PCDHGB3: variants seen among roughly 807,000 people sequenced by gnomAD.
PCDHGB3 encodes protocadherin gamma-B3.
PCDHGB3 carries 40 observed loss-of-function variants against 59.2 expected under a neutral mutation model. The ratio of observed to expected loss-of-function variants is 0.68; its 90% CI spans 0.52 to 0.88. The LOEUF (loss-of-function observed/expected upper bound fraction) is 0.88, where lower values mean the gene tolerates loss of function less well. PCDHGB3 is among the 40% of genes least tolerant of loss of function. The pLI is 0.00. For synonymous variants in PCDHGB3, 581 were observed against 503.6 expected (o/e 1.15, Z -2.06); for missense variants, 1,309 against 1,187.9 (o/e 1.10, Z -1.50).
chr5:141,449,154 A>G (rs2098630387), intron 1 of PCDHGB3, among the ~76,000 whole-genome samples: 1 of 152,180 alleles, frequency 6.6e-6, no homozygotes, highest in African/African-American at 2.4e-5. Flanking sequence ...TGGGTCAAAG[A>G]GGAAATAGGT....
intron 2 of PCDHGB3, among the ~76,000 whole-genome samples, chr5:141,500,292 T>A (rs1001226545): frequency 2.0e-5 from 3 of 151,954 alleles, no homozygotes; most frequent in Non-Finnish European, 4.4e-5. Context: ...CACTGCAAGC[T>A]CCGCCTCCCA....
In PCDHGB3 at chr5:141,485,099, G is replaced by T; in HGVS notation, c.2416-9708G>T. The T allele has an allele frequency of 8.7e-7, 1 of 1,145,218 alleles. No individual in the cohort carries two copies. Among genetic ancestry groups the T allele is most frequent in the Non-Finnish European group, 1.3e-6 (1 of 775,682 alleles). 70.9% of individuals were successfully genotyped at this position (1,145,218 alleles called of 1,614,324 possible). A position where few individuals can be genotyped will look rare whatever the true frequency, so the allele number is the denominator to read the frequency against. ...GGGGAAAGGGAGATAGGTGTCTCCA[G>T]CTGCTGTGGCTGTTTGGGGCGGGTC... On this transcript the variant is annotated intron_variant, in intron 1 of 3. Transcript: ENST00000576222. The surrounding 1 kb of genome is among the most constrained non-coding windows in gnomAD (Gnocchi z 5.7).
chr5:141,395,518 C>T (rs1046650715), intron 1 of PCDHGB3: 2 of 412,004 alleles, frequency 4.9e-6, no homozygotes, highest in Admixed American at 4.2e-5. Context: ...AGCTACCCGT[C>T]CATACTGGTA....
intron 1 of PCDHGB3, among the ~76,000 whole-genome samples, chr5:141,473,380 G>A (rs1363453338): frequency 6.6e-6 from 1 of 152,204 alleles, no homozygotes; most frequent in African/African-American, 2.4e-5. Context: ...CATGGTCCCT[G>A]CCCTCCTGGA....
Position 141,509,375 on chromosome 5 carries a change from T to C in PCDHGB3, c.2564-1572T>C, listed in dbSNP as rs1450730489. Among the ~76,000 whole-genome samples, 6 of 152,168 alleles carry C rather than the reference T, an allele frequency of 3.9e-5. No homozygotes were observed. In the East Asian group the frequency reaches 1.2e-3, roughly 29 times the overall value. On this transcript the variant is annotated intron_variant, in intron 3 of 3. Coordinates refer to ENST00000576222, the MANE Select transcript of PCDHGB3 (RefSeq NM_018924.5). ...GGGCATCCCTGAGGTTTTAACTGTC[T>C]CCTAACCACAGAGGATCTCAGGGCC...
At chr5:141,447,313 T>C (rs2098534296) in intron 1 of PCDHGB3, among the ~76,000 whole-genome samples, 1 of 152,146 alleles carries the variant, frequency 6.6e-6, no homozygotes, top group African/African-American at 2.4e-5. Context: ...CTAATTTTTG[T>C]ATTTTTAGTA....
At position 141,423,431 on chromosome 5, in the gene PCDHGB3, G is replaced by A. The variant is rs1220133197; in HGVS notation, c.2415+50622G>A. On this transcript the variant is annotated intron_variant, in intron 1 of 3. Coordinates refer to ENST00000576222, the MANE Select transcript of PCDHGB3 (RefSeq NM_018924.5). ...CAGGCTTCTGAAGGCGGGTTGGCAGGTATGCCCACGTCACATTTTGTAGGC... is the reference window on the plus strand; with the variant it reads ...CAGGCTTCTGAAGGCGGGTTGGCAGATATGCCCACGTCACATTTTGTAGGC... 3 of 1,613,892 alleles carry A rather than the reference G, an allele frequency of 1.9e-6. No homozygotes were observed. Among genetic ancestry groups the A allele is most frequent in the Admixed American group, 3.3e-5 (2 of 60,012 alleles).
In PCDHGB3 at chr5:141,432,115, C is replaced by G. The variant is rs753088299; in HGVS notation, c.2415+59306C>G. On this transcript the variant is annotated intron_variant, in intron 1 of 3. Transcript: ENST00000576222. This position sits in a 1 kb window ranked among gnomAD's most constrained non-coding sequence, Gnocchi z 6.0. ...ACACCAACGACAACCCGCCGGTCTT[C>G]CCTCAGGCCTCCTATTCCGCTTATA... The G allele has an allele frequency of 1.2e-5, 20 of 1,614,178 alleles. No individual in the cohort carries two copies. Among genetic ancestry groups the G allele is most frequent in the Non-Finnish European group, 1.6e-5 (19 of 1,180,050 alleles).
chr5:141,498,971 G>GGGAAGGAAGGAAGGAAGGAAGGAA (rs201769957), intron 2 of PCDHGB3, among the ~76,000 whole-genome samples: 2 of 110,972 alleles, frequency 1.8e-5, no homozygotes, highest in African/African-American at 3.6e-5. Context: ...GAGGGAGGGA[G>GGGAAGGAAGGAAGGAAGGAAGGAA]GGAAGGAAGG....
chr5:141,386,098 G>A (rs1384243905), intron 1 of PCDHGB3: 3 of 152,228 alleles, frequency 2.0e-5, no homozygotes, highest in Non-Finnish European at 4.4e-5. Flanking sequence ...GATGAAGTGT[G>A]TCTGTGGGCT....
chr5:141,409,441 G>A (rs1432743588), intron 1 of PCDHGB3: 1 of 1,613,884 alleles, frequency 6.2e-7, no homozygotes, highest in Admixed American at 1.7e-5. Context: ...TGGACCGAGA[G>A]CAGACACCAG....
intron 2 of PCDHGB3, among the ~76,000 whole-genome samples, chr5:141,502,170 G>A (rs1165631931): frequency 6.6e-6 from 1 of 152,128 alleles, no homozygotes; most frequent in Admixed American, 6.5e-5. Context: ...TTCAGTTGAG[G>A]AATTTAACAT....
At chr5:141,419,762 A>G in intron 1 of PCDHGB3, 1 of 1,614,008 alleles carries the variant, frequency 6.2e-7, no homozygotes, top group Non-Finnish European at 8.5e-7. Context: ...TTTGGGTGAC[A>G]AGGACTCGGT....
intron 1 of PCDHGB3, among the ~76,000 whole-genome samples, chr5:141,471,737 A>G (rs2099263581): frequency 6.6e-6 from 1 of 152,232 alleles, no homozygotes; most frequent in Non-Finnish European, 1.5e-5. Context: ...AAGGTTGGAG[A>G]CATAACATAT....
intron 1 of PCDHGB3, chr5:141,384,675 G>A: frequency 6.2e-7 from 1 of 1,614,216 alleles, no homozygotes; most frequent in Non-Finnish European, 8.5e-7. Flanking sequence ...CCAAGGTGGT[G>A]GCGGTGGACA....
rs532907359 is a variant in PCDHGB3, at chr5:141,500,353, C to T, written c.2475-5040C>T. 1.9e-4 allele frequency among the ~76,000 whole-genome samples: 29 copies of T among 152,052 alleles called. No homozygotes were observed. The East Asian group carries it at 5.2e-3, about 27-fold the overall frequency. The stretch of plus-strand genomic sequence containing the variant: ...CCTCCAGAATAGCTGGGACTACAGG[C>T]GCCCACTACCACGCCCGGCTAATTA... On this transcript the variant is annotated intron_variant, in intron 2 of 3. Transcript: ENST00000576222.
At chr5:141,392,649 C>T in intron 1 of PCDHGB3, 1 of 703,200 alleles carries the variant, frequency 1.4e-6, no homozygotes, top group South Asian at 2.2e-5. Flanking sequence ...CACGAAGACC[C>T]GCAGATGCCA....
intron 1 of PCDHGB3, among the ~76,000 whole-genome samples, chr5:141,405,943 CATA>C (rs1017424287): frequency 6.6e-6 from 1 of 152,106 alleles, no homozygotes; most frequent in Non-Finnish European, 1.5e-5. Flanking sequence ...TTCATGTTCT[CATA>C]ATAATTAACC....
In PCDHGB3 at chr5:141,485,507, G is replaced by A. The variant is rs766643911; in HGVS notation, c.2416-9300G>A. 6.8e-6 allele frequency: 11 copies of A among 1,614,174 alleles called. No homozygotes were observed. Among genetic ancestry groups the A allele is most frequent in the Non-Finnish European group, 8.5e-6 (10 of 1,180,036 alleles). ...CGTGCCCCTGGAGTTTGTCACCGAA[G>A]GTCCTTTGGAAATGTACCGAGCAGA... On this transcript the variant is annotated intron_variant, in intron 1 of 3. Transcript: ENST00000576222. The surrounding 1 kb of genome is among the most constrained non-coding windows in gnomAD (Gnocchi z 5.7).
Sources: allele counts gnomAD v4.1 joint callset (sites outside exome capture counted in the v4.1 genomes callset), GRCh38; gene constraint gnomAD v4.1.1; non-coding constraint Gnocchi (gnomAD v3.1); transcripts MANE v1.5; gene names NCBI Gene and HGNC (gene_info 2026-07-23, HGNC 2026-07-21).